The following RALGPS2 variants were observed in gnomAD, a reference collection of about 807,000 sequenced individuals.
The protein encoded by RALGPS2 is ras-specific guanine nucleotide-releasing factor RalGPS2.
In RALGPS2, 43 loss-of-function variants were observed where a neutral mutation model predicts 86.8. The observed-to-expected ratio is 0.50, with a 90% CI of 0.39 to 0.64. The LOEUF is 0.64. Ranked by LOEUF, RALGPS2 falls within the 30% of genes least tolerant of loss-of-function variation. RALGPS2 has a pLI of 0.00. For missense variants in RALGPS2, 536 were observed against 694.6 expected (o/e 0.77, Z 2.57); for synonymous variants, 243 against 231.3 (o/e 1.05, Z -0.46).
At chr1:178,822,480 A>G (rs1049195644) in intron 7 of RALGPS2, among the ~76,000 whole-genome samples, 7 of 151,674 alleles carry the variant, frequency 4.6e-5, no homozygotes, top group African/African-American at 1.7e-4. Flanking sequence ...CTGGGCTAAA[A>G]TCATGACTGA....
At chr1:178,744,817 C>CAA (rs148175568) in intron 1 of RALGPS2, among the ~76,000 whole-genome samples, 991 of 65,908 alleles carry the variant, frequency 0.015, 27 homozygotes, top group African/African-American at 0.042. Context: ...GACTCCATCT[C>CAA]AAAAAAAAAA....
intron 11 of RALGPS2, among the ~76,000 whole-genome samples, chr1:178,884,250 A>C (rs1659382541): frequency 6.6e-6 from 1 of 152,194 alleles, no homozygotes; most frequent in South Asian, 2.1e-4. Flanking sequence ...TCACTTTAAT[A>C]CTAGACCAAG....
At chr1:178,793,045 G>A (rs1654032233) in intron 4 of RALGPS2, among the ~76,000 whole-genome samples, 1 of 152,008 alleles carries the variant, frequency 6.6e-6, no homozygotes, top group Non-Finnish European at 1.5e-5. Context: ...AGTCTGAATG[G>A]GTGCTCAATA....
rs192505525 is a variant in RALGPS2, at chr1:178,765,830, T to G, written c.-83-10852T>G. 5.3e-3 allele frequency among the ~76,000 whole-genome samples: 810 copies of G among 152,340 alleles called. 9 individuals carry two copies. Among genetic ancestry groups the G allele is most frequent in the African/African-American group, 0.018 (769 of 41,588 alleles). On this transcript the variant is annotated intron_variant, in intron 1 of 19. Coordinates refer to ENST00000367635, the MANE Select transcript of RALGPS2 (RefSeq NM_152663.5). ...AGAATTCAGCGATACTTCTCCTATTTGCTTTTGAAAGAAGAGAAATAGGCT... is the reference window on the plus strand; with the variant it reads ...AGAATTCAGCGATACTTCTCCTATTGGCTTTTGAAAGAAGAGAAATAGGCT...
rs188780888 is a variant in RALGPS2 at position 178,907,475 on chromosome 1, G to A, written c.1722+608G>A. On this transcript the variant is annotated intron_variant, in intron 19 of 19. Coordinates refer to ENST00000367635, the MANE Select transcript of RALGPS2 (RefSeq NM_152663.5). ...ACCAAAAACCATTTAAATTTTGTTT[G>A]CTTTTATTTTACTGAAACAAAAATG... Among the ~76,000 whole-genome samples the A allele has an allele frequency of 9.6e-4, 146 of 152,240 alleles. 1 individual carries two copies. The highest frequency in any genetic ancestry group is 3.4e-3 in the African/African-American group (143 of 41,548).
At chr1:178,872,005 T>C (rs1407109933) in intron 8 of RALGPS2, among the ~76,000 whole-genome samples, 1 of 152,240 alleles carries the variant, frequency 6.6e-6, no homozygotes, top group African/African-American at 2.4e-5. Flanking sequence ...AAACTTAGGC[T>C]TAAGTAACTT....
chr1:178,798,153 T>C (rs1196858007), intron 4 of RALGPS2, among the ~76,000 whole-genome samples: 3 of 152,212 alleles, frequency 2.0e-5, no homozygotes, highest in Non-Finnish European at 4.4e-5. Flanking sequence ...TCAAGACTTA[T>C]GCACACAAAG....
intron 18 of RALGPS2, among the ~76,000 whole-genome samples, chr1:178,905,163 C>A (rs1660339460): frequency 1.3e-5 from 2 of 152,030 alleles, no homozygotes; most frequent in African/African-American, 4.8e-5. Context: ...TCTGTTTGGT[C>A]ATTGTTGGTG....
At chr1:178,790,071 C>T (rs1653877305) in intron 4 of RALGPS2, among the ~76,000 whole-genome samples, 1 of 152,120 alleles carries the variant, frequency 6.6e-6, no homozygotes, top group South Asian at 2.1e-4. Context: ...ACCTCAGCCT[C>T]CCAAGTAGCT....
intron 7 of RALGPS2, among the ~76,000 whole-genome samples, chr1:178,830,437 T>G (rs1297812355): frequency 6.6e-6 from 1 of 152,198 alleles, no homozygotes; most frequent in Admixed American, 6.5e-5. Context: ...TTTACAGGAT[T>G]CTGATACGTG....
intron 8 of RALGPS2, among the ~76,000 whole-genome samples, chr1:178,856,198 G>GATATATATATAT (rs1232946834): frequency 1.5e-4 from 7 of 47,266 alleles, no homozygotes; most frequent in South Asian, 5.1e-4. Flanking sequence ...TCCAGAGAGA[G>GATATATATATAT]AGAGATATAT....
chr1:178,914,574 G>A (rs1660741514), intron 19 of RALGPS2, among the ~76,000 whole-genome samples: 2 of 151,844 alleles, frequency 1.3e-5, no homozygotes, highest in South Asian at 4.2e-4. Flanking sequence ...CAGAAGATAG[G>A]CTTGGAGTAT....
chr1:178,850,972 A>T (rs1657135326), intron 8 of RALGPS2: 3 of 598,414 alleles, frequency 5.0e-6, no homozygotes, highest in Non-Finnish European at 7.7e-6. Flanking sequence ...AGATGAAACT[A>T]CATTTATAGG....
intron 16 of RALGPS2, 49 bp from the exon 17 acceptor site, chr1:178,897,615 A>G: frequency 2.1e-6 from 3 of 1,458,200 alleles, no homozygotes; most frequent in Non-Finnish European, 2.9e-6. Flanking sequence ...AAAGAAACTA[A>G]GAAGCCAGGA....
Position 178,902,035 on chromosome 1 carries a change from C to A in RALGPS2, c.1525-71C>A. ...ATTAGGAGAAACTGAAAATACACTC[C>A]CTAACACTGAAGTTTTGCTAGAATA... On this transcript the variant is annotated intron_variant, in intron 17 of 19. Transcript: ENST00000367635. 3.6e-6 allele frequency: 4 copies of A among 1,110,018 alleles called. No individual in the cohort carries two copies. The East Asian group carries it at 7.3e-5, about 20-fold the overall frequency. 68.8% of individuals were successfully genotyped at this position (1,110,018 alleles called of 1,614,324 possible).
intron 4 of RALGPS2, among the ~76,000 whole-genome samples, chr1:178,789,465 G>T (rs775303011): frequency 6.6e-6 from 1 of 152,158 alleles, no homozygotes; most frequent in African/African-American, 2.4e-5. Context: ...TATTGTTGTC[G>T]TATACAACTC....
chr1:178,907,715 G>A (rs1660446272), intron 19 of RALGPS2, among the ~76,000 whole-genome samples: 1 of 152,182 alleles, frequency 6.6e-6, no homozygotes, highest in South Asian at 2.1e-4. Flanking sequence ...TAATGCAGAA[G>A]TCTATGGTTA....
intron 19 of RALGPS2, among the ~76,000 whole-genome samples, chr1:178,910,963 A>T (rs1350435615): frequency 1.3e-5 from 2 of 151,786 alleles, no homozygotes; most frequent in African/African-American, 4.8e-5. Context: ...CTTTTTAGGG[A>T]TTCAGTTTCT....
intron 4 of RALGPS2, among the ~76,000 whole-genome samples, chr1:178,797,995 A>AG (rs971924165): frequency 7.9e-5 from 12 of 151,422 alleles, no homozygotes; most frequent in African/African-American, 2.7e-4. Context: ...TAAAAAAAAA[A>AG]AAAAAAAAAA....
Sources: allele counts gnomAD v4.1 joint callset (sites outside exome capture counted in the v4.1 genomes callset), GRCh38; gene constraint gnomAD v4.1.1; transcripts MANE v1.5; gene names NCBI Gene and HGNC (gene_info 2026-07-23, HGNC 2026-07-21).